Variants in THUMPD3 observed in about 807,000 individuals in gnomAD.
THUMPD3 encodes the protein THUMP domain 3 tRNA guanosine methyltransferase.
A neutral mutation model predicts 54.5 loss-of-function variants in THUMPD3; 44 were observed. The ratio of observed to expected loss-of-function variants is 0.81; its 90% CI spans 0.63 to 1.04. THUMPD3 has a LOEUF of 1.04. THUMPD3 is among the 50% of genes least tolerant of loss of function. The pLI is 0.00. For missense variants in THUMPD3, 604 were observed against 601.3 expected, an observed-to-expected ratio of 1.00 and a Z score of -0.05; for synonymous variants, 196 against 201.4, an observed-to-expected ratio of 0.97 and a Z score of 0.23.
intron 5 of THUMPD3, among the ~76,000 whole-genome samples, chr3:9,376,959 C>T (rs1024950720): frequency 6.6e-6 from 1 of 152,120 alleles, no homozygotes; most frequent in Non-Finnish European, 1.5e-5. Context: ...AGCTTAAGTC[C>T]ATGCCCAGGA....
chr3:9,373,335 AT>A (rs1350876691), intron 4 of THUMPD3, among the ~76,000 whole-genome samples: 1 of 152,074 alleles, frequency 6.6e-6, no homozygotes, highest in African/African-American at 2.4e-5. Context: ...TCTACAAAAA[AT>A]AAAAAAAAAA....
Position 9,371,536 on chromosome 3 carries a change from G to C in THUMPD3, c.807G>C (p.Glu269Asp). 1 of 1,608,602 alleles carries C rather than the reference G, an allele frequency of 6.2e-7. No homozygotes were observed. The highest frequency in any genetic ancestry group is 8.5e-7 in the Non-Finnish European group (1 of 1,176,172). The change falls in exon 4 of 10, where the codon GAG (glutamate) becomes GAC (aspartate). Residue 269 changes from glutamate to aspartate, a missense_variant and splice_region_variant. Physicochemically the swap from Glu to Asp is conservative, Grantham distance 45. Transcript: ENST00000452837. ...CCGACATGACCAACTTTGATGTGGAGGTAGGTATAGGCTCTGACTGTGGTG... is the reference window on the plus strand; with the variant it reads ...CCGACATGACCAACTTTGATGTGGACGTAGGTATAGGCTCTGACTGTGGTG... ...WKADMTNFDV[E>D]VLLNIHDNEV...
chr3:9,369,166 C>A lies in THUMPD3; in HGVS notation c.331-1894C>A, dbSNP rs113119162. On this transcript the variant is annotated intron_variant, in intron 3 of 9. Coordinates refer to ENST00000452837, the MANE Select transcript of THUMPD3 (RefSeq NM_001114092.2). ...CTCTACTAAAAATACAAAAATTAGC[C>A]GGGTGCGGTGGCGGGCTTCTGTAAT... Among the ~76,000 whole-genome samples, 10 of 151,610 alleles carry A rather than the reference C, an allele frequency of 6.6e-5. No homozygotes were observed. The East Asian group carries it at 1.4e-3, about 21-fold the overall frequency.
rs1038480009 is a variant in THUMPD3, at chr3:9,386,470, G to C, written c.*1782G>C. Reference sequence around the variant, plus strand: ...AACAAGCGAGTATTTTCGCCTATTAGCTTAGTTTTTAAGGAAATCATTTTT... The same window carrying C: ...AACAAGCGAGTATTTTCGCCTATTACCTTAGTTTTTAAGGAAATCATTTTT... On this transcript the variant is annotated 3_prime_UTR_variant, in exon 10 of 10. Transcript: ENST00000452837. 1 of 148,824 alleles carries C rather than the reference G, an allele frequency of 6.7e-6. No homozygotes were observed. Among genetic ancestry groups the C allele is most frequent in the Non-Finnish European group, 1.5e-5 (1 of 67,760 alleles). The allele number at this position is 148,824 out of a possible 1,614,324, so 9.2% of individuals were successfully genotyped here. A position where few individuals can be genotyped will look rare whatever the true frequency, so the allele number is the denominator to read the frequency against.
chr3:9,370,625 T>C (rs1163150213), intron 3 of THUMPD3, among the ~76,000 whole-genome samples: 1 of 152,118 alleles, frequency 6.6e-6, no homozygotes, highest in Non-Finnish European at 1.5e-5. Context: ...TTGTATTTTT[T>C]TGTGGAGACA....
intron 3 of THUMPD3, among the ~76,000 whole-genome samples, chr3:9,368,908 T>C (rs1262466525): frequency 1.3e-5 from 2 of 152,230 alleles, no homozygotes; most frequent in African/African-American, 4.8e-5. Flanking sequence ...AATGAAAGCA[T>C]AGCATACATA....
chr3:9,379,907 C>A (rs1419598864), intron 6 of THUMPD3, among the ~76,000 whole-genome samples: 1 of 152,144 alleles, frequency 6.6e-6, no homozygotes, highest in Non-Finnish European at 1.5e-5. Context: ...CCAGGCTGGT[C>A]TCAAACTCCT....
Position 9,384,193 on chromosome 3 carries a change from A to G in THUMPD3, c.1236-19A>G, listed in dbSNP as rs555294656. 6 of 1,612,274 alleles carry G rather than the reference A, an allele frequency of 3.7e-6. No individual in the cohort carries two copies. The highest frequency in any genetic ancestry group is 1.3e-5 in the African/African-American group (1 of 74,872). ...TGTATCTTTTGCAAGTGTTTGACTC[A>G]TGAGACCTTCTATTATAGGATGGGA... On this transcript the variant is annotated intron_variant, in intron 8 of 9. Transcript: ENST00000452837.
At chr3:9,363,652 A>C (rs539167153) in intron 1 of THUMPD3, 1 of 151,842 alleles carries the variant, frequency 6.6e-6, no homozygotes, top group Non-Finnish European at 1.5e-5. Flanking sequence ...AAGCTTATGC[A>C]TAGGAAATTT....
intron 7 of THUMPD3, 111 bp from the exon 8 acceptor site, chr3:9,383,088 T>C (rs375257959): frequency 3.1e-6 from 2 of 652,374 alleles, no homozygotes; most frequent in Non-Finnish European, 2.7e-6. Context: ...TTATCACTGA[T>C]ATCCTTAGCA....
chr3:9,384,388 T>G, intron 9 of THUMPD3, 53 bp downstream of exon 9: 1 of 1,597,626 alleles, frequency 6.3e-7, no homozygotes, highest in Non-Finnish European at 8.5e-7. Flanking sequence ...TGGGATCTTT[T>G]TGAGATTTGG....
intron 6 of THUMPD3, among the ~76,000 whole-genome samples, chr3:9,379,208 G>A (rs1168932284): frequency 2.7e-5 from 4 of 149,184 alleles, no homozygotes; most frequent in Non-Finnish European, 4.4e-5. Flanking sequence ...ATCCAAATAG[G>A]TTTAGGAAAA....
chr3:9,374,678 G>A lies in THUMPD3; in HGVS notation c.938+32G>A, dbSNP rs144067395. ...AAATGAGTTTGCCATCCAGCTTAAA[G>A]TGGCACCTTGGTTTGAATGTTCCCT... is the stretch of plus-strand genomic sequence containing the variant. On this transcript the variant is annotated intron_variant, in intron 5 of 9. Transcript: ENST00000452837. The A allele has an allele frequency of 9.9e-5, 160 of 1,610,828 alleles. No homozygotes were observed. In the East Asian group the frequency reaches 2.9e-3, roughly 29 times the overall value.
At position 9,365,220 on chromosome 3, in the gene THUMPD3, C is replaced by T. The variant is rs1296225674; in HGVS notation, c.152C>T (p.Thr51Ile). The T allele has an allele frequency of 6.2e-7, 1 of 1,614,192 alleles. No individual in the cohort carries two copies. Among genetic ancestry groups the T allele is most frequent in the Non-Finnish European group, 8.5e-7 (1 of 1,180,046 alleles). The change falls in exon 2 of 10, where the codon ACA (threonine) becomes ATA (isoleucine). Residue 51 changes from threonine to isoleucine, a missense_variant. Transcript: ENST00000452837. ...GATVPTGFEQ[T>I]AADEVREKLG... ...ACTGTACCTACTGGCTTTGAGCAAA[C>T]AGCTGCAGATGAAGTCAGAGAGAAA...
At chr3:9,366,605 C>T (rs1484583928) in intron 2 of THUMPD3, among the ~76,000 whole-genome samples, 2 of 152,178 alleles carry the variant, frequency 1.3e-5, no homozygotes, top group African/African-American at 4.8e-5. Context: ...AGAAAGTCAT[C>T]GAGGAAATAT....
At chr3:9,384,419 TTTG>T in intron 9 of THUMPD3, 84 bp downstream of exon 9, 4 of 1,596,798 alleles carry the variant, frequency 2.5e-6, no homozygotes, top group Non-Finnish European at 3.4e-6. Context: ...TTGGATAAGA[TTTG>T]TTTTCTCTTC....
chr3:9,376,490 C>T (rs1196392435), intron 5 of THUMPD3, among the ~76,000 whole-genome samples: 2 of 152,116 alleles, frequency 1.3e-5, no homozygotes, highest in Non-Finnish European at 2.9e-5. Context: ...AGATATTCAC[C>T]CCTGACCATC....
Position 9,371,105 on chromosome 3 carries a change from T to C in THUMPD3, c.376T>C (p.Trp126Arg). ...DFEDLAGKLP[W>R]SNPLKVWKIN... ...TGAAGACTTGGCTGGAAAACTCCCA[T>C]GGTCAAACCCCTTAAAAGTGTGGAA... Residue 126 changes from tryptophan to arginine, a missense_variant, in exon 4 of 10, where the codon TGG becomes CGG. By Grantham distance (101) the Trp-to-Arg change is moderately radical (BLOSUM62 -3). Transcript: ENST00000452837. 6.3e-7 allele frequency: 1 copy of C among 1,582,910 alleles called. No homozygotes were observed. Among genetic ancestry groups the C allele is most frequent in the South Asian group, 1.2e-5 (1 of 84,720 alleles).
chr3:9,368,919 C>T (rs1559300852), intron 3 of THUMPD3, among the ~76,000 whole-genome samples: 1 of 152,300 alleles, frequency 6.6e-6, no homozygotes, highest in East Asian at 1.9e-4. Flanking sequence ...AGCATACATA[C>T]TTTTCTGCGC....
Sources: gnomAD v4.1 joint callset for allele counts (sites outside exome capture counted in the v4.1 genomes callset) on GRCh38, gnomAD v4.1.1 for gene constraint, MANE v1.5 for transcripts, NCBI Gene and HGNC (gene_info 2026-07-23, HGNC 2026-07-21) for gene names.